The following IGHMBP2 variants were observed in gnomAD, a reference collection of about 807,000 sequenced individuals.
IGHMBP2 encodes DNA-binding protein SMUBP-2.
IGHMBP2 carries 81 observed loss-of-function variants against 96.0 expected under a neutral mutation model. That is an observed-to-expected ratio of 0.84 (90% confidence interval 0.71 to 1.01). The LOEUF (loss-of-function observed/expected upper bound fraction) is 1.01, where lower values mean the gene tolerates loss of function less well. IGHMBP2 is among the 50% of genes least tolerant of loss of function. The probability of loss-of-function intolerance (pLI) is 0.00; values close to 1 mark genes in which losing one functional copy is unlikely to be tolerated. For synonymous variants in IGHMBP2, 557 were observed against 548.9 expected, an observed-to-expected ratio of 1.01 and a Z score of -0.21; for missense variants, 1,227 against 1,306.3, an observed-to-expected ratio of 0.94 and a Z score of 0.94.
At chr11:68,914,036 G>A (rs1858550249) in intron 5 of IGHMBP2, among the ~76,000 whole-genome samples, 1 of 152,078 alleles carries the variant, frequency 6.6e-6, no homozygotes, top group South Asian at 2.1e-4. Flanking sequence ...AAGAAATGTA[G>A]CAATGTGTAA....
intron 6 of IGHMBP2, among the ~76,000 whole-genome samples, chr11:68,915,914 G>A (rs566181993): frequency 2.0e-5 from 3 of 151,882 alleles, no homozygotes; most frequent in South Asian, 2.1e-4. Context: ...TGGCTCACAC[G>A]TGCAATCCCA....
chr11:68,911,774 G>A (rs915200073), intron 5 of IGHMBP2, among the ~76,000 whole-genome samples, 171 bp downstream of exon 5: 4 of 152,232 alleles, frequency 2.6e-5, no homozygotes, highest in Non-Finnish European at 5.9e-5. Context: ...CAGCATCCCC[G>A]TGAGTCTTGG....
At chr11:68,906,505 G>T in intron 2 of IGHMBP2, 1 of 453,402 alleles carries the variant, frequency 2.2e-6, no homozygotes, top group Non-Finnish European at 4.0e-6. Flanking sequence ...ACCAAATTTG[G>T]AAGATTATGT....
chr11:68,932,587 A>G (rs981928814), intron 8 of IGHMBP2: 2 of 152,282 alleles, frequency 1.3e-5, no homozygotes, highest in Non-Finnish European at 2.9e-5. Context: ...CATCTGGCAC[A>G]CCCAGCAGTG....
chr11:68,911,005 T>A (rs1287503056), intron 4 of IGHMBP2, among the ~76,000 whole-genome samples: 1 of 152,220 alleles, frequency 6.6e-6, no homozygotes, highest in African/African-American at 2.4e-5. Flanking sequence ...TTATGGGCAC[T>A]TTAAAGAGGG....
In IGHMBP2 at chr11:68,903,950, G is replaced by C; in HGVS notation, c.-3G>C. On this transcript the variant is annotated 5_prime_UTR_variant, in exon 1 of 15. Coordinates refer to ENST00000255078, the MANE Select transcript of IGHMBP2 (RefSeq NM_002180.3). ...CTTCTAGGGGCCCAGGCCGGCGGCG[G>C]CGATGGCCTCGGCAGCTGTGGAGAG... is the stretch of plus-strand genomic sequence containing the variant. The C allele has an allele frequency of 6.4e-7, 1 of 1,574,564 alleles. No homozygotes were observed. Among genetic ancestry groups the C allele is most frequent in the Non-Finnish European group, 8.6e-7 (1 of 1,160,296 alleles).
chr11:68,930,364 A>C, intron 8 of IGHMBP2: 2 of 1,289,758 alleles, frequency 1.6e-6, no homozygotes, highest in African/African-American at 3.0e-5. Context: ...CGAGGACCGG[A>C]AGAAGATGTG....
At chr11:68,910,881 CAAAAA>C (rs10599717) in intron 4 of IGHMBP2, among the ~76,000 whole-genome samples, 4 of 120,818 alleles carry the variant, frequency 3.3e-5, no homozygotes, top group African/African-American at 3.2e-5. Flanking sequence ...GACTCCATCT[CAAAAA>C]AAAAAAAAAA....
intron 2 of IGHMBP2, chr11:68,906,497 C>G: frequency 4.2e-6 from 2 of 473,660 alleles, no homozygotes; most frequent in Non-Finnish European, 7.6e-6. Flanking sequence ...GAATACACAC[C>G]AAATTTGGAA....
chr11:68,915,067 T>C, intron 6 of IGHMBP2, 44 bp downstream of exon 6: 1 of 1,530,264 alleles, frequency 6.5e-7, no homozygotes, highest in East Asian at 2.2e-5. Context: ...GGGCTTCTGA[T>C]CTGCAGTCTT....
intron 14 of IGHMBP2, 146 bp from the exon 15 acceptor site, chr11:68,939,388 G>A: frequency 1.2e-6 from 1 of 830,998 alleles, no homozygotes; most frequent in Non-Finnish European, 1.9e-6. Flanking sequence ...CCGCCAGGCA[G>A]CCTGCAGGGT....
chr11:68,930,988 G>T (rs539641518), intron 8 of IGHMBP2, among the ~76,000 whole-genome samples: 4 of 152,274 alleles, frequency 2.6e-5, no homozygotes, highest in Admixed American at 1.3e-4. Context: ...TGTGCCAATT[G>T]GTCCATGGGT....
chr11:68,929,430 C>A, intron 8 of IGHMBP2, 73 bp downstream of exon 8: 4 of 1,445,576 alleles, frequency 2.8e-6, no homozygotes, highest in Non-Finnish European at 3.8e-6. Flanking sequence ...CAGCCAGGAG[C>A]CCCAGGCTCA....
At position 68,906,640 on chromosome 11, in the gene IGHMBP2, CTTTTTT is replaced by C. The variant is rs60710565; in HGVS notation, c.256+416_256+421del. On this transcript the variant is annotated intron_variant, in intron 2 of 14. Coordinates refer to ENST00000255078, the MANE Select transcript of IGHMBP2 (RefSeq NM_002180.3). ...TTAAAATAATTTACCCATTTCTTTT[CTTTTTT>C]TTTTTTTTTTTTTGAGACAGAGTTT... Among the ~76,000 whole-genome samples, 4 of 117,582 alleles carry C rather than the reference CTTTTTT, an allele frequency of 3.4e-5. No individual in the cohort carries two copies. In the South Asian group the frequency reaches 8.3e-4, roughly 24 times the overall value. 77.1% of individuals were successfully genotyped at this position (117,582 alleles called of 152,430 possible). A position where few individuals can be genotyped will look rare whatever the true frequency, so the allele number is the denominator to read the frequency against.
chr11:68,903,951 C>T lies in IGHMBP2; in HGVS notation c.-2C>T, dbSNP rs4930624. On this transcript the variant is annotated 5_prime_UTR_variant, in exon 1 of 15. Coordinates refer to ENST00000255078, the MANE Select transcript of IGHMBP2 (RefSeq NM_002180.3). ...TTCTAGGGGCCCAGGCCGGCGGCGG[C>T]GATGGCCTCGGCAGCTGTGGAGAGC... 0.22 allele frequency: 347,602 copies of T among 1,569,878 alleles called. 41,782 individuals are homozygous for T. Among genetic ancestry groups the T allele is most frequent in the Non-Finnish European group, 0.25 (291,914 of 1,157,340 alleles).
At chr11:68,910,720 A>G (rs900620370) in intron 4 of IGHMBP2, among the ~76,000 whole-genome samples, 1 of 152,118 alleles carries the variant, frequency 6.6e-6, no homozygotes, top group Non-Finnish European at 1.5e-5. Context: ...CGTCTCTACT[A>G]ACAACACAAA....
At chr11:68,911,055 C>T (rs951459016) in intron 4 of IGHMBP2, among the ~76,000 whole-genome samples, 3 of 152,098 alleles carry the variant, frequency 2.0e-5, no homozygotes, top group Non-Finnish European at 2.9e-5. Context: ...GAAACATTTC[C>T]TTCATTCCTG....
At chr11:68,921,112 C>T (rs1467577426) in intron 7 of IGHMBP2, among the ~76,000 whole-genome samples, 2 of 151,624 alleles carry the variant, frequency 1.3e-5, no homozygotes, top group African/African-American at 2.4e-5. Context: ...TCCAGTTTGA[C>T]AGTTTCTGCC....
chr11:68,907,594 G>C (rs1858252705), intron 2 of IGHMBP2, among the ~76,000 whole-genome samples: 2 of 152,174 alleles, frequency 1.3e-5, no homozygotes, highest in African/African-American at 2.4e-5. Context: ...TTCATATTTT[G>C]ATTTCGTAGA....
Sources: allele counts gnomAD v4.1 joint callset (sites outside exome capture counted in the v4.1 genomes callset), GRCh38; gene constraint gnomAD v4.1.1; transcripts MANE v1.5; gene names NCBI Gene and HGNC (gene_info 2026-07-23, HGNC 2026-07-21).